The following CHL1 variants were observed in gnomAD, a reference collection of about 807,000 sequenced individuals.
CHL1 encodes the protein neural cell adhesion molecule L1-like protein.
CHL1 carries 96 observed loss-of-function variants against 141.9 expected under a neutral mutation model. The observed-to-expected ratio is 0.68, with a 90% CI of 0.57 to 0.80. The LOEUF (loss-of-function observed/expected upper bound fraction) is 0.80, where lower values mean the gene tolerates loss of function less well. CHL1 is among the 30% of genes least tolerant of loss of function. The pLI is 0.00. For missense variants in CHL1, 1,820 were observed against 1,457.2 expected (o/e 1.25, Z -4.05); for synonymous variants, 613 against 502.2 (o/e 1.22, Z -2.95).
chr3:384,736 A>G (rs1024373976), intron 19 of CHL1: 2 of 152,200 alleles, frequency 1.3e-5, no homozygotes, highest in Non-Finnish European at 2.9e-5. Flanking sequence ...TGAATTTATA[A>G]AATTTTGTGT....
chr3:322,141 A>G lies in CHL1; in HGVS notation c.91+2274A>G, dbSNP rs77919160. Among the ~76,000 whole-genome samples the G allele has an allele frequency of 3.5e-4, 54 of 152,200 alleles. No homozygotes were observed. The South Asian group carries it at 8.3e-3, about 23-fold the overall frequency. Reference sequence around the variant, plus strand: ...TTGCAATAAGCTCAAGTCCTGCTCTACACAGAAATAGTAGTAGTCAGAAAC... The same window carrying G: ...TTGCAATAAGCTCAAGTCCTGCTCTGCACAGAAATAGTAGTAGTCAGAAAC... On this transcript the variant is annotated intron_variant, in intron 3 of 27. Transcript: ENST00000256509.
intron 1 of CHL1, among the ~76,000 whole-genome samples, chr3:200,001 C>T (rs1307584704): frequency 2.6e-5 from 4 of 152,134 alleles, no homozygotes; most frequent in Non-Finnish European, 4.4e-5. Context: ...TTTGGCTTTG[C>T]AAGACAACCC....
intron 8 of CHL1, 89 bp from the exon 9 acceptor site, chr3:344,500 G>A (rs142196542): frequency 3.5e-5 from 32 of 924,468 alleles, no homozygotes; most frequent in African/African-American, 1.7e-4. Context: ...CTCGTGTGTC[G>A]GATTTTTTGT....
intron 2 of CHL1, among the ~76,000 whole-genome samples, chr3:290,216 T>C (rs1002294070): frequency 2.0e-5 from 3 of 152,156 alleles, no homozygotes; most frequent in Admixed American, 2.0e-4. Context: ...AAAAAACCAC[T>C]TGTTTATAGT....
At chr3:371,493 G>C (rs139725990) in intron 15 of CHL1, among the ~76,000 whole-genome samples, 20 of 152,186 alleles carry the variant, frequency 1.3e-4, no homozygotes, top group African/African-American at 4.8e-4. Context: ...TTGAATCTAT[G>C]TGTGTCTTTG....
chr3:404,122 C>T (rs891301849), intron 27 of CHL1, among the ~76,000 whole-genome samples: 26 of 152,194 alleles, frequency 1.7e-4, no homozygotes, highest in African/African-American at 5.8e-4. Context: ...GGCTGGTGGA[C>T]GAGCATCCAG....
intron 1 of CHL1, among the ~76,000 whole-genome samples, chr3:223,912 G>A (rs958388218): frequency 2.0e-5 from 3 of 152,178 alleles, no homozygotes. Flanking sequence ...GGTTGAATTA[G>A]TTCCTTGGTA....
Position 390,986 on chromosome 3 carries a change from A to G in CHL1, c.2618A>G (p.Asp873Gly). The G allele has an allele frequency of 2.5e-6, 4 of 1,614,154 alleles. No homozygotes were observed. The highest frequency in any genetic ancestry group is 3.4e-6 in the Non-Finnish European group (4 of 1,180,000). The part of the protein sequence containing the change: ...INWWKTKSLL[D>G]GRTHPKEVNI... ...TGGTGGAAAACAAAAAGTCTGTTGG[A>G]TGGAAGAACACATCCCAAAGAAGTG... is the stretch of plus-strand genomic sequence containing the variant. Residue 873 changes from aspartate (D) to glycine (G), a missense_variant, in exon 22 of 28, where the codon GAT (aspartate) becomes GGT (glycine). Coordinates refer to ENST00000256509, the MANE Select transcript of CHL1 (RefSeq NM_006614.4).
rs140134084 is a variant in CHL1, at chr3:229,858, C to G, written c.-174-14755C>G. Among the ~76,000 whole-genome samples the G allele has an allele frequency of 3.7e-3, 565 of 152,282 alleles. 2 individuals carry two copies. Among genetic ancestry groups the G allele is most frequent in the African/African-American group, 0.012 (492 of 41,560 alleles). On this transcript the variant is annotated intron_variant, in intron 1 of 27. Coordinates refer to ENST00000256509, the MANE Select transcript of CHL1 (RefSeq NM_006614.4). The stretch of plus-strand genomic sequence containing the variant: ...AAATCAATTATCTGTCTGTGCCCCA[C>G]CACCTCTTCCCTCATCTCAGCCTTC...
chr3:242,785 A>G (rs1419049001), intron 1 of CHL1, among the ~76,000 whole-genome samples: 1 of 152,168 alleles, frequency 6.6e-6, no homozygotes, highest in East Asian at 1.9e-4. Flanking sequence ...AAGGAAGCAG[A>G]TGAGAGCTCT....
At chr3:312,444 T>A (rs1352484235) in intron 2 of CHL1, among the ~76,000 whole-genome samples, 4 of 152,230 alleles carry the variant, frequency 2.6e-5, no homozygotes, top group African/African-American at 9.6e-5. Flanking sequence ...TTTATGACAC[T>A]TGTAAATTGA....
intron 8 of CHL1, among the ~76,000 whole-genome samples, 185 bp from the exon 9 acceptor site, chr3:344,404 C>CATG (rs1702589435): frequency 6.6e-6 from 1 of 151,702 alleles, no homozygotes; most frequent in Admixed American, 6.6e-5. Flanking sequence ...AGGGACAACC[C>CATG]ATGCTTCATG....
intron 16 of CHL1, 95 bp downstream of exon 16, chr3:378,037 C>A (rs912709531): frequency 9.2e-7 from 1 of 1,090,056 alleles, no homozygotes; most frequent in African/African-American, 1.6e-5. Context: ...TCTTTGAGCC[C>A]CTGCACATAT....
intron 1 of CHL1, among the ~76,000 whole-genome samples, chr3:223,222 A>C (rs78651228): frequency 0.031 from 4,745 of 152,308 alleles, 96 homozygotes; most frequent in Non-Finnish European, 0.048. Context: ...ATTAAGTGAC[A>C]TTCGGGTGAA....
intron 1 of CHL1, among the ~76,000 whole-genome samples, chr3:231,575 C>CTTTTTT (rs5845954): frequency 9.9e-6 from 1 of 100,564 alleles, no homozygotes; most frequent in Non-Finnish European, 2.1e-5. Context: ...TTATTTCTTC[C>CTTTTTT]TTTTTTTTTT....
At position 407,672 on chromosome 3, in the gene CHL1, G is replaced by C. The variant is rs929322656; in HGVS notation, c.*1961G>C. On this transcript the variant is annotated 3_prime_UTR_variant, in exon 28 of 28. Coordinates refer to ENST00000256509, the MANE Select transcript of CHL1 (RefSeq NM_006614.4). ...TGAGGAGGGCAAGGTTGTGACGTTC[G>C]AGCTTAGTTCTGGTGTTATTCTGTC... 2 of 152,122 alleles carry C rather than the reference G, an allele frequency of 1.3e-5. No individual in the cohort carries two copies. Among genetic ancestry groups the C allele is most frequent in the African/African-American group, 4.8e-5 (2 of 41,436 alleles). 9.4% of individuals were successfully genotyped at this position (152,122 alleles called of 1,614,324 possible). A position where few individuals can be genotyped will look rare whatever the true frequency, so the allele number is the denominator to read the frequency against.
intron 15 of CHL1, among the ~76,000 whole-genome samples, chr3:377,271 G>T (rs1242798377): frequency 6.6e-6 from 1 of 152,200 alleles, no homozygotes; most frequent in Non-Finnish European, 1.5e-5. Flanking sequence ...GTTCAAATAA[G>T]TCATATGCTT....
rs1709565363 is a variant in CHL1 at position 406,911 on chromosome 3, C to CA, written c.*1201dup. On this transcript the variant is annotated 3_prime_UTR_variant, in exon 28 of 28. Coordinates refer to ENST00000256509, the MANE Select transcript of CHL1 (RefSeq NM_006614.4). ...TTTATTGTTGAATGTACATCTACCC[C>CA]AGCCCCTCAAAAGAAAAACTGTTTA... The CA allele has an allele frequency of 6.6e-6, 1 of 152,040 alleles. No homozygotes were observed. Among genetic ancestry groups the CA allele is most frequent in the Non-Finnish European group, 1.5e-5 (1 of 67,986 alleles). 9.4% of individuals were successfully genotyped at this position (152,040 alleles called of 1,614,324 possible).
chr3:320,808 T>A (rs1318990857), intron 3 of CHL1, among the ~76,000 whole-genome samples: 1 of 152,144 alleles, frequency 6.6e-6, no homozygotes, highest in Non-Finnish European at 1.5e-5. Context: ...GCATATGGGT[T>A]CTAAAAGACC....
Sources: gnomAD v4.1 joint callset for allele counts (sites outside exome capture counted in the v4.1 genomes callset) on GRCh38, gnomAD v4.1.1 for gene constraint, MANE v1.5 for transcripts, NCBI Gene and HGNC (gene_info 2026-07-23, HGNC 2026-07-21) for gene names.